STK4: variants seen among roughly 807,000 people sequenced by gnomAD.
STK4 encodes serine/threonine kinase 4.
STK4 carries 30 observed loss-of-function variants against 64.9 expected under a neutral mutation model. The observed-to-expected ratio is 0.46, with a 90% confidence interval of 0.35 to 0.63. The LOEUF is 0.63. Ranked by LOEUF, STK4 falls within the 20% of genes least tolerant of loss-of-function variation. The pLI is 0.01. For missense variants in STK4, 466 were observed against 598.5 expected (o/e 0.78, Z 2.31); for synonymous variants, 177 against 199.0 (o/e 0.89, Z 0.93).
chr20:45,024,301 C>T (rs952598797), intron 9 of STK4, among the ~76,000 whole-genome samples: 2 of 150,850 alleles, frequency 1.3e-5, no homozygotes, highest in East Asian at 1.9e-4. Flanking sequence ...GTATTTTCCC[C>T]TAGTTTTTTT....
At chr20:45,000,663 A>G (rs893829620) in intron 8 of STK4, 143 bp downstream of exon 8, 7 of 1,215,188 alleles carry the variant, frequency 5.8e-6, no homozygotes, top group African/African-American at 3.0e-5. Flanking sequence ...ACCTGGATCA[A>G]CGCATGCTAG....
chr20:45,026,083 T>TC (rs11483277), intron 10 of STK4, among the ~76,000 whole-genome samples: 65,502 of 150,892 alleles, frequency 0.43, 14,816 homozygotes, highest in Middle Eastern at 0.54. Flanking sequence ...GAACCCAGGC[T>TC]ATTTGTTTTA....
At chr20:45,028,436 C>T (rs2068391020) in intron 10 of STK4, among the ~76,000 whole-genome samples, 1 of 151,890 alleles carries the variant, frequency 6.6e-6, no homozygotes, top group Non-Finnish European at 1.5e-5. Context: ...TAGTAATCCT[C>T]CCACCTCAGC....
At position 44,993,021 on chromosome 20, in the gene STK4, C is replaced by T. The variant is rs372068697; in HGVS notation, c.526-2069C>T. ...GTCTAATGTACTTCTTTAAAGTATT[C>T]GTTGGGCTTTGTTTTTTATGTTTAA... On this transcript the variant is annotated intron_variant, in intron 5 of 10. Transcript: ENST00000372806. 5.9e-5 allele frequency among the ~76,000 whole-genome samples: 9 copies of T among 152,066 alleles called. 1 individual carries two copies. The highest frequency in any genetic ancestry group is 1.9e-4 in the East Asian group (1 of 5,180).
intron 10 of STK4, chr20:45,053,138 A>G (rs1461541717): frequency 6.2e-7 from 1 of 1,612,720 alleles, no homozygotes; most frequent in Non-Finnish European, 8.5e-7. Context: ...CAAAATTGCC[A>G]GGGAAACCTG....
At chr20:44,999,581 A>G (rs965442192) in intron 7 of STK4, among the ~76,000 whole-genome samples, 1 of 152,276 alleles carries the variant, frequency 6.6e-6, no homozygotes, top group Non-Finnish European at 1.5e-5. Flanking sequence ...ACAAATACAA[A>G]CAATAAAAAC....
intron 4 of STK4, among the ~76,000 whole-genome samples, chr20:44,982,420 C>T (rs989650631): frequency 3.3e-5 from 5 of 151,846 alleles, no homozygotes; most frequent in Non-Finnish European, 4.4e-5. Flanking sequence ...CAAGTATGAC[C>T]CCCCCATGCC....
intron 9 of STK4, among the ~76,000 whole-genome samples, chr20:45,008,936 G>A (rs1283194329): frequency 6.6e-6 from 1 of 151,904 alleles, no homozygotes; most frequent in Non-Finnish European, 1.5e-5. Flanking sequence ...CTGGATATTA[G>A]ACCTTTGTTG....
chr20:44,992,102 TA>T lies in STK4; in HGVS notation c.526-2981del, dbSNP rs561413354. ...TCTTTTAATTTTGATTATGGCTTTTTAAAAAAATACTACATAAGTTTCCAAA... is the reference window on the plus strand; with the variant it reads ...TCTTTTAATTTTGATTATGGCTTTTTAAAAAATACTACATAAGTTTCCAAA... On this transcript the variant is annotated intron_variant, in intron 5 of 10. Coordinates refer to ENST00000372806, the MANE Select transcript of STK4 (RefSeq NM_006282.5). Among the ~76,000 whole-genome samples, 136 of 152,128 alleles carry T rather than the reference TA, an allele frequency of 8.9e-4. 1 individual carries two copies. Among genetic ancestry groups the T allele is most frequent in the South Asian group, 4.1e-3 (20 of 4,822 alleles).
chr20:45,026,244 A>T (rs1409306074), intron 10 of STK4, among the ~76,000 whole-genome samples: 1 of 151,848 alleles, frequency 6.6e-6, no homozygotes, highest in Non-Finnish European at 1.5e-5. Flanking sequence ...GAAGGAAAAT[A>T]AGTATTTAGT....
intron 10 of STK4, among the ~76,000 whole-genome samples, chr20:45,056,603 A>G (rs1301617854): frequency 3.3e-5 from 5 of 152,220 alleles, no homozygotes; most frequent in Non-Finnish European, 7.3e-5. Flanking sequence ...TCAAATACAA[A>G]TATTTATTTA....
Position 44,987,258 on chromosome 20 carries a change from G to A in STK4, c.487G>A (p.Ala163Thr). ...GNILLNTEGHAKLADFGVAGQ... is the reference protein window; with the variant it reads ...GNILLNTEGHTKLADFGVAGQ... ...TATTTTGCTAAATACAGAAGGACATGCAAAACTTGCAGATTTTGGGGTAGC... is the reference window on the plus strand; with the variant it reads ...TATTTTGCTAAATACAGAAGGACATACAAAACTTGCAGATTTTGGGGTAGC... Residue 163 changes from alanine to threonine, a missense_variant, in exon 5 of 11, where the codon GCA becomes ACA. Physicochemically the swap from Ala to Thr is moderately conservative, Grantham distance 58. Coordinates refer to ENST00000372806, the MANE Select transcript of STK4 (RefSeq NM_006282.5). 1 of 1,609,634 alleles carries A rather than the reference G, an allele frequency of 6.2e-7. No individual in the cohort carries two copies. The highest frequency in any genetic ancestry group is 8.5e-7 in the Non-Finnish European group (1 of 1,178,772).
chr20:45,014,171 T>C (rs2068100416), intron 9 of STK4, among the ~76,000 whole-genome samples: 1 of 152,120 alleles, frequency 6.6e-6, no homozygotes, highest in Admixed American at 6.6e-5. Flanking sequence ...ATGCCTGTAA[T>C]CTCAGCACTT....
chr20:44,995,056 G>A, intron 5 of STK4, 34 bp from the exon 6 acceptor site: 1 of 1,482,922 alleles, frequency 6.7e-7, no homozygotes, highest in Non-Finnish European at 9.1e-7. Flanking sequence ...GTAGTTTTAA[G>A]CTTAGTGTCA....
chr20:44,973,238 A>T (rs2067282009), intron 2 of STK4: 1 of 152,222 alleles, frequency 6.6e-6, no homozygotes, highest in Admixed American at 6.5e-5. Context: ...CCTGGATTAC[A>T]TGAAATGGTT....
At chr20:45,005,631 G>A (rs1394930218) in intron 9 of STK4, among the ~76,000 whole-genome samples, 1 of 132,258 alleles carries the variant, frequency 7.6e-6, no homozygotes, top group African/African-American at 2.9e-5. Context: ...CTGGGCAACA[G>A]AGCGAGACTC....
Position 45,068,975 on chromosome 20 carries a change from G to A in STK4, c.1306-6043G>A, listed in dbSNP as rs142470236. 4.5e-3 allele frequency among the ~76,000 whole-genome samples: 679 copies of A among 152,290 alleles called. 3 individuals carry two copies. The highest frequency in any genetic ancestry group is 0.01 in the Middle Eastern group (3 of 294). On this transcript the variant is annotated intron_variant, in intron 10 of 10. Transcript: ENST00000372806. ...CTTTAAGATACAACACATTTCCAGA[G>A]ATCACATCTTTTAAGAGAAATCTCA... is the stretch of plus-strand genomic sequence containing the variant.
At chr20:45,004,042 A>G (rs530581440) in intron 9 of STK4, among the ~76,000 whole-genome samples, 12 of 151,988 alleles carry the variant, frequency 7.9e-5, no homozygotes, top group African/African-American at 2.9e-4. Flanking sequence ...TAAAAAAATG[A>G]TAACTGTTGG....
At chr20:44,970,828 GTTGGT>G (rs2095043050) in intron 1 of STK4, among the ~76,000 whole-genome samples, 1 of 151,518 alleles carries the variant, frequency 6.6e-6, no homozygotes, top group African/African-American at 2.4e-5. Flanking sequence ...CAGGGTTTTT[GTTGGT>G]TTGTTTTATT....
Sources: allele counts gnomAD v4.1 joint callset (sites outside exome capture counted in the v4.1 genomes callset), GRCh38; gene constraint gnomAD v4.1.1; transcripts MANE v1.5; gene names NCBI Gene and HGNC (gene_info 2026-07-23, HGNC 2026-07-21).